The following CIMIP3 variants were observed in gnomAD, a reference collection of about 807,000 sequenced individuals.
CIMIP3 encodes the protein GUCA1A neighbor.
chr6:42,163,317 G>A, the CIMIP3 span: 3 of 483,310 alleles, frequency 6.2e-6, no homozygotes, highest in South Asian at 1.3e-4. Flanking sequence ...CCAAGGGGAA[G>A]GGCTGCTCAC....
chr6:42,163,158 C>T, the CIMIP3 span: 83 of 633,642 alleles, frequency 1.3e-4, 1 homozygote, highest in South Asian at 9.6e-4. Context: ...TTGCAGAAGC[C>T]TACCTGTGGC....
chr6:42,160,061 C>T, the CIMIP3 span, among the ~76,000 whole-genome samples: 1 of 152,190 alleles, frequency 6.6e-6, no homozygotes, highest in Non-Finnish European at 1.5e-5. Context: ...TCACAGCTCA[C>T]TGCAGCCTCG....
the CIMIP3 span, among the ~76,000 whole-genome samples, chr6:42,157,373 C>G: frequency 6.6e-6 from 1 of 152,188 alleles, no homozygotes; most frequent in African/African-American, 2.4e-5. Context: ...CTCAGCCTCC[C>G]AAGTAGCTGG....
the CIMIP3 span, among the ~76,000 whole-genome samples, chr6:42,158,311 C>A: frequency 6.6e-6 from 1 of 152,208 alleles, no homozygotes; most frequent in East Asian, 1.9e-4. Context: ...TGGCTTGGCC[C>A]CTAGAAAGGG....
the CIMIP3 span, among the ~76,000 whole-genome samples, chr6:42,157,588 C>A: frequency 6.6e-6 from 1 of 150,976 alleles, no homozygotes; most frequent in African/African-American, 2.4e-5. Context: ...TGGGGTCTCA[C>A]TATGTTGGCC....
the CIMIP3 span, among the ~76,000 whole-genome samples, chr6:42,156,870 C>A: frequency 6.6e-6 from 1 of 152,248 alleles, no homozygotes; most frequent in East Asian, 1.9e-4. Flanking sequence ...GACAGCACCA[C>A]GTGCCCCTGG....
chr6:42,158,598 T>C, the CIMIP3 span, among the ~76,000 whole-genome samples: 1 of 152,212 alleles, frequency 6.6e-6, no homozygotes, highest in Non-Finnish European at 1.5e-5. Flanking sequence ...CACTAACCAG[T>C]TGTGGGACTT....
the CIMIP3 span, among the ~76,000 whole-genome samples, chr6:42,159,511 GT>G: frequency 2.6e-5 from 4 of 152,242 alleles, no homozygotes; most frequent in Admixed American, 2.6e-4. Flanking sequence ...CCAGTGTGTT[GT>G]TCTGTCCATG....
the CIMIP3 span, among the ~76,000 whole-genome samples, chr6:42,162,690 G>A: frequency 1.3e-5 from 2 of 152,158 alleles, no homozygotes; most frequent in East Asian, 1.9e-4. Context: ...GCTGGCAGTT[G>A]CCTCTGGTAG....
At chr6:42,157,486 G>C in the CIMIP3 span, among the ~76,000 whole-genome samples, 4,055 of 152,158 alleles carry the variant, frequency 0.027, 64 homozygotes, top group Non-Finnish European at 0.041. Context: ...CTGGGCTCAA[G>C]TGATCTGCCC....
the CIMIP3 span, among the ~76,000 whole-genome samples, chr6:42,160,267 G>A: frequency 2.0e-5 from 3 of 152,190 alleles, no homozygotes; most frequent in African/African-American, 7.2e-5. Flanking sequence ...GGGATTACAG[G>A]TGTGATCCAC....
chr6:42,162,676 G>A, the CIMIP3 span, among the ~76,000 whole-genome samples: 1 of 152,132 alleles, frequency 6.6e-6, no homozygotes, highest in African/African-American at 2.4e-5. Flanking sequence ...CCTAGCCTCT[G>A]GGAGCTGGCA....
At chr6:42,158,020 T>C in the CIMIP3 span, among the ~76,000 whole-genome samples, 2 of 152,178 alleles carry the variant, frequency 1.3e-5, no homozygotes, top group Non-Finnish European at 2.9e-5. Context: ...CCCCACACTG[T>C]GTGACAACCC....
chr6:42,162,288 C>T, the CIMIP3 span, among the ~76,000 whole-genome samples: 2 of 149,458 alleles, frequency 1.3e-5, no homozygotes, highest in Non-Finnish European at 3.0e-5. Context: ...GTGGCGGGTG[C>T]CTGTAATCCC....
chr6:42,158,944 G>A, the CIMIP3 span, among the ~76,000 whole-genome samples: 34 of 152,308 alleles, frequency 2.2e-4, no homozygotes, highest in South Asian at 6.4e-3. Context: ...GAGCAGGGAT[G>A]GGGGGTGGGG....
At chr6:42,156,687 C>CTCCTTT in the CIMIP3 span, among the ~76,000 whole-genome samples, 1 of 152,234 alleles carries the variant, frequency 6.6e-6, no homozygotes, top group Non-Finnish European at 1.5e-5. Context: ...GTTCCCAGCA[C>CTCCTTT]TCATGGCACC....
At chr6:42,162,087 ATTCTTTTTTTTTTTTTTTTTT>A in the CIMIP3 span, among the ~76,000 whole-genome samples, 13 of 111,804 alleles carry the variant, frequency 1.2e-4, no homozygotes, top group African/African-American at 4.0e-4. Context: ...TGGAAGCCAC[ATTCTTTTTTTTTTTTTTTTTT>A]TTTTTTTTTT....
chr6:42,158,901 C>T, the CIMIP3 span, among the ~76,000 whole-genome samples: 1 of 152,190 alleles, frequency 6.6e-6, no homozygotes, highest in Non-Finnish European at 1.5e-5. Context: ...GGCCAAGAGG[C>T]TGATGCAGCC....
chr6:42,158,048 G>A, the CIMIP3 span, among the ~76,000 whole-genome samples: 1 of 152,168 alleles, frequency 6.6e-6, no homozygotes, highest in African/African-American at 2.4e-5. Context: ...CTCCAAACAT[G>A]CATGCCAAAT....
Sources: gnomAD v4.1 joint callset for allele counts (sites outside exome capture counted in the v4.1 genomes callset) on GRCh38, gnomAD v4.1.1 for gene constraint, MANE v1.5 for transcripts, NCBI Gene and HGNC (gene_info 2026-07-23, HGNC 2026-07-21) for gene names.